The following DPP10 variants were observed in gnomAD, a reference collection of about 807,000 sequenced individuals.
DPP10 encodes the protein dipeptidyl peptidase like 10.
Under a neutral mutation model 120.9 loss-of-function variants are expected in DPP10, and 33 were observed. The ratio of observed to expected loss-of-function variants is 0.27; its 90% CI spans 0.21 to 0.37. The LOEUF (loss-of-function observed/expected upper bound fraction) is 0.37, where lower values mean the gene tolerates loss of function less well. Ranked by LOEUF, DPP10 falls within the 10% of genes least tolerant of loss-of-function variation. The probability of loss-of-function intolerance (pLI) is 1.00; values close to 1 mark genes in which losing one functional copy is unlikely to be tolerated. For missense variants in DPP10, 816 were observed against 942.8 expected (o/e 0.87, Z 1.76); for synonymous variants, 337 against 326.1 (o/e 1.03, Z -0.36).
At chr2:115,124,061 G>A (rs769643746) in intron 1 of DPP10, among the ~76,000 whole-genome samples, 1 of 151,324 alleles carries the variant, frequency 6.6e-6, no homozygotes, top group Non-Finnish European at 1.5e-5. Flanking sequence ...TCCAACTGCA[G>A]CCTCCTGAGT....
intron 1 of DPP10, among the ~76,000 whole-genome samples, chr2:114,511,569 A>C (rs1192338635): frequency 6.6e-6 from 1 of 152,266 alleles, no homozygotes; most frequent in Non-Finnish European, 1.5e-5. Context: ...TGTAGCTGAT[A>C]TCAGGGAAGC....
intron 1 of DPP10, among the ~76,000 whole-genome samples, chr2:114,898,583 T>C (rs1168407076): frequency 6.6e-6 from 1 of 152,150 alleles, no homozygotes; most frequent in African/African-American, 2.4e-5. Flanking sequence ...AATATTGTAA[T>C]GGACAGTTAA....
intron 1 of DPP10, among the ~76,000 whole-genome samples, chr2:114,674,300 A>AT (rs1428874997): frequency 3.9e-5 from 6 of 152,148 alleles, no homozygotes; most frequent in Non-Finnish European, 8.8e-5. Context: ...ATTCTCTAAT[A>AT]TTTAAAAACT....
intron 3 of DPP10, among the ~76,000 whole-genome samples, chr2:115,458,610 A>G (rs1184328367): frequency 6.6e-6 from 1 of 152,148 alleles, no homozygotes; most frequent in Non-Finnish European, 1.5e-5. Context: ...AGGTTCAATA[A>G]AAGCCAATTT....
At chr2:114,871,720 C>T (rs1184878635) in intron 1 of DPP10, among the ~76,000 whole-genome samples, 1 of 152,108 alleles carries the variant, frequency 6.6e-6, no homozygotes, top group Non-Finnish European at 1.5e-5. Context: ...GATGAGGGGT[C>T]CCCAACCCCC....
At chr2:115,296,741 A>G (rs932020840) in intron 1 of DPP10, among the ~76,000 whole-genome samples, 8 of 152,092 alleles carry the variant, frequency 5.3e-5, no homozygotes, top group African/African-American at 1.9e-4. Context: ...TTAATACATT[A>G]TTCATCTTCC....
chr2:115,786,155 A>T (rs1575772105), intron 17 of DPP10, among the ~76,000 whole-genome samples: 1 of 152,306 alleles, frequency 6.6e-6, no homozygotes, highest in Non-Finnish European at 1.5e-5. Flanking sequence ...CATGCTTATA[A>T]CAGTCTATGA....
At chr2:115,337,562 A>G (rs1215072043) in intron 2 of DPP10, among the ~76,000 whole-genome samples, 2 of 151,358 alleles carry the variant, frequency 1.3e-5, no homozygotes, top group East Asian at 2.0e-4. Context: ...TGAGGATACT[A>G]ATACCCAGTA....
At chr2:114,671,561 G>A (rs1471420182) in intron 1 of DPP10, among the ~76,000 whole-genome samples, 1 of 152,028 alleles carries the variant, frequency 6.6e-6, no homozygotes, top group African/African-American at 2.4e-5. Flanking sequence ...TTCCTTTATA[G>A]AAACACAAAA....
chr2:115,023,673 A>T (rs1310707607), intron 1 of DPP10, among the ~76,000 whole-genome samples: 2 of 152,132 alleles, frequency 1.3e-5, no homozygotes, highest in Non-Finnish European at 2.9e-5. Flanking sequence ...AAGTTATTAT[A>T]TGAAAAAGAT....
At position 115,272,426 on chromosome 2, in the gene DPP10, A is replaced by T. The variant is rs183432349; in HGVS notation, c.61-36813A>T. 7.9e-5 allele frequency among the ~76,000 whole-genome samples: 12 copies of T among 152,348 alleles called. No individual in the cohort carries two copies. In the East Asian group the frequency reaches 2.3e-3, roughly 29 times the overall value. On this transcript the variant is annotated intron_variant, in intron 1 of 25. Transcript: ENST00000410059. ...GACCTAGGATATATGAATTCTTCAA[A>T]TAATAAATATATCAAATATATTCTG...
intron 1 of DPP10, among the ~76,000 whole-genome samples, chr2:114,653,735 C>A (rs541775687): frequency 1.1e-3 from 161 of 152,274 alleles, no homozygotes; most frequent in Non-Finnish European, 1.8e-3. Context: ...TAGAGGAATT[C>A]TCAGTGGCTG....
chr2:114,593,336 G>T (rs1573743230), intron 1 of DPP10, among the ~76,000 whole-genome samples: 1 of 152,130 alleles, frequency 6.6e-6, no homozygotes, highest in African/African-American at 2.4e-5. Flanking sequence ...AAGGGAAGGA[G>T]CCTTGACCAG....
At chr2:115,783,926 G>A (rs909786060) in intron 17 of DPP10, among the ~76,000 whole-genome samples, 4 of 151,806 alleles carry the variant, frequency 2.6e-5, no homozygotes, top group Admixed American at 6.6e-5. Context: ...ATGACATATA[G>A]GACACACTTA....
At chr2:115,233,968 A>G in intron 1 of DPP10, 1 of 518,348 alleles carries the variant, frequency 1.9e-6, no homozygotes. Context: ...GAGATAAATC[A>G]GCCTTCAAAA....
intron 1 of DPP10, among the ~76,000 whole-genome samples, chr2:114,812,327 C>A (rs746259467): frequency 6.6e-6 from 1 of 152,030 alleles, no homozygotes; most frequent in African/African-American, 2.4e-5. Flanking sequence ...CTAGGCTGGT[C>A]ACGGTGACTC....
At chr2:114,780,142 G>C in intron 1 of DPP10, among the ~76,000 whole-genome samples, 1 of 151,468 alleles carries the variant, frequency 6.6e-6, no homozygotes, top group East Asian at 2.0e-4. Context: ...TCTCAAAAAA[G>C]AAAGGAGGGA....
chr2:114,728,909 G>T (rs991633641), intron 1 of DPP10, among the ~76,000 whole-genome samples: 5 of 152,204 alleles, frequency 3.3e-5, no homozygotes, highest in Non-Finnish European at 1.5e-5. Flanking sequence ...CTGCACTAGA[G>T]TTTGGAGGTC....
chr2:114,735,790 T>G (rs541567779), intron 1 of DPP10, among the ~76,000 whole-genome samples: 1 of 152,152 alleles, frequency 6.6e-6, no homozygotes, highest in Non-Finnish European at 1.5e-5. Context: ...AATTATTTTT[T>G]TCTAAATAAA....
Sources: gnomAD v4.1 joint callset for allele counts (sites outside exome capture counted in the v4.1 genomes callset) on GRCh38, gnomAD v4.1.1 for gene constraint, MANE v1.5 for transcripts, NCBI Gene and HGNC (gene_info 2026-07-23, HGNC 2026-07-21) for gene names.